WBP1L: variants seen among roughly 807,000 people sequenced by gnomAD.
WBP1L encodes WW domain binding protein 1-like.
WBP1L carries 17 observed loss-of-function variants against 33.7 expected under a neutral mutation model. The observed-to-expected ratio is 0.50, with a 90% confidence interval of 0.34 to 0.76. The LOEUF (loss-of-function observed/expected upper bound fraction) is 0.76. Among genes scored for constraint, WBP1L ranks in the 30% least tolerant of loss-of-function variants. The pLI, the probability that WBP1L is intolerant of heterozygous loss-of-function variation, is 0.01. For missense variants in WBP1L, 389 were observed against 469.4 expected (o/e 0.83, Z 1.58); for synonymous variants, 173 against 190.8 (o/e 0.91, Z 0.77).
At chr10:102,768,990 G>A (rs915158451) in intron 1 of WBP1L, among the ~76,000 whole-genome samples, 1 of 151,858 alleles carries the variant, frequency 6.6e-6, no homozygotes, top group African/African-American at 2.4e-5. Flanking sequence ...GCTTGGCCTC[G>A]TTTGTTTTTC....
chr10:102,797,925 C>A (rs1843595983), intron 1 of WBP1L, 68 bp from the exon 2 acceptor site: 5 of 1,359,050 alleles, frequency 3.7e-6, no homozygotes. Flanking sequence ...ACCAGGAGGA[C>A]AATGATGAGA....
intron 1 of WBP1L, among the ~76,000 whole-genome samples, chr10:102,765,374 A>G (rs1204323970): frequency 6.6e-6 from 1 of 152,098 alleles, no homozygotes; most frequent in African/African-American, 2.4e-5. Context: ...CTAGGACTAC[A>G]GTCATGTGCC....
chr10:102,746,040 C>T, intron 1 of WBP1L: 1 of 583,984 alleles, frequency 1.7e-6, no homozygotes, highest in South Asian at 7.5e-5. Context: ...CAATAAATAA[C>T]ATCGGTAGAG....
intron 1 of WBP1L, among the ~76,000 whole-genome samples, chr10:102,770,072 G>A (rs1465236030): frequency 2.0e-5 from 3 of 152,210 alleles, no homozygotes; most frequent in African/African-American, 7.2e-5. Context: ...GCAACCTATA[G>A]TGTTTCTGCC....
chr10:102,746,431 G>C (rs1246667379), intron 1 of WBP1L, among the ~76,000 whole-genome samples: 1 of 151,992 alleles, frequency 6.6e-6, no homozygotes, highest in Admixed American at 6.6e-5. Flanking sequence ...CCTCACTCCT[G>C]ACGCTCCCTA....
At chr10:102,746,547 A>G (rs1296622448) in intron 1 of WBP1L, among the ~76,000 whole-genome samples, 1 of 151,972 alleles carries the variant, frequency 6.6e-6, no homozygotes, top group Non-Finnish European at 1.5e-5. Flanking sequence ...AATGCAAGTT[A>G]CTATATAATT....
intron 1 of WBP1L, among the ~76,000 whole-genome samples, chr10:102,757,383 G>A (rs1037665134): frequency 1.3e-5 from 2 of 152,226 alleles, no homozygotes; most frequent in East Asian, 1.9e-4. Context: ...TGGGGTCACC[G>A]CCAAGGCGGA....
chr10:102,766,381 C>T (rs1308473619), intron 1 of WBP1L, among the ~76,000 whole-genome samples: 1 of 136,432 alleles, frequency 7.3e-6, no homozygotes, highest in East Asian at 2.2e-4. Flanking sequence ...GCGGAGGTTG[C>T]AGTTAGCTGA....
At chr10:102,750,002 G>A (rs998828763) in intron 1 of WBP1L, among the ~76,000 whole-genome samples, 8 of 151,162 alleles carry the variant, frequency 5.3e-5, no homozygotes, top group African/African-American at 1.7e-4. Flanking sequence ...GGCTGGTCTC[G>A]AACTCCTGAC....
intron 1 of WBP1L, among the ~76,000 whole-genome samples, chr10:102,771,374 T>C (rs968824582): frequency 6.6e-6 from 1 of 151,992 alleles, no homozygotes; most frequent in Admixed American, 6.6e-5. Flanking sequence ...TTGGGTAACA[T>C]AGCAAGACTC....
chr10:102,755,549 G>C (rs962014724), intron 1 of WBP1L, among the ~76,000 whole-genome samples: 1 of 151,514 alleles, frequency 6.6e-6, no homozygotes, highest in African/African-American at 2.4e-5. Flanking sequence ...ACACTACTAT[G>C]CCTGGCTAAT....
intron 3 of WBP1L, among the ~76,000 whole-genome samples, chr10:102,810,668 G>A (rs1353340464): frequency 7.0e-6 from 1 of 142,894 alleles, no homozygotes; most frequent in Non-Finnish European, 1.5e-5. Context: ...CCAGGTTCAA[G>A]CGATTCTCCC....
chr10:102,801,166 T>TG (rs1843652675), intron 2 of WBP1L, among the ~76,000 whole-genome samples: 1 of 152,184 alleles, frequency 6.6e-6, no homozygotes, highest in South Asian at 2.1e-4. Context: ...AACCAGTTAT[T>TG]GGGCCTGCAT....
chr10:102,789,838 G>A (rs1051109429), intron 1 of WBP1L, among the ~76,000 whole-genome samples: 1 of 151,308 alleles, frequency 6.6e-6, no homozygotes, highest in Admixed American at 6.6e-5. Flanking sequence ...CGCCTCTCAG[G>A]TTCAAGCGAT....
chr10:102,798,180 T>C (rs772408359), intron 2 of WBP1L, 85 bp downstream of exon 2: 8 of 1,178,508 alleles, frequency 6.8e-6, no homozygotes, highest in Non-Finnish European at 8.8e-6. Flanking sequence ...CATTAGCCCT[T>C]TTCGGATTCT....
At chr10:102,781,276 G>T (rs531624419) in intron 1 of WBP1L, among the ~76,000 whole-genome samples, 2 of 152,216 alleles carry the variant, frequency 1.3e-5, no homozygotes, top group East Asian at 3.8e-4. Context: ...GAGAGGGAAG[G>T]GGGGGAATTG....
chr10:102,770,896 G>A (rs1414126724), intron 1 of WBP1L, among the ~76,000 whole-genome samples: 4 of 152,224 alleles, frequency 2.6e-5, no homozygotes, highest in Non-Finnish European at 4.4e-5. Flanking sequence ...GCTGACGCCT[G>A]TGTGTTCATA....
chr10:102,791,425 A>G, intron 1 of WBP1L, among the ~76,000 whole-genome samples: 1 of 152,116 alleles, frequency 6.6e-6, no homozygotes, highest in Non-Finnish European at 1.5e-5. Context: ...AGCATCCCAC[A>G]TAGTGCCTGG....
intron 1 of WBP1L, among the ~76,000 whole-genome samples, chr10:102,767,107 T>C (rs1041264576): frequency 1.2e-4 from 18 of 152,202 alleles, no homozygotes; most frequent in African/African-American, 4.1e-4. Flanking sequence ...TACTTTGTAC[T>C]TGATGAAGCT....
Sources: allele counts gnomAD v4.1 joint callset (sites outside exome capture counted in the v4.1 genomes callset), GRCh38; gene constraint gnomAD v4.1.1; transcripts MANE v1.5; gene names NCBI Gene and HGNC (gene_info 2026-07-23, HGNC 2026-07-21).